DMAP1: variants seen among roughly 807,000 people sequenced by gnomAD.
DMAP1 encodes the protein DNA methyltransferase 1 associated protein 1.
In DMAP1, 26 loss-of-function variants were observed where a neutral mutation model predicts 52.7. The ratio of observed to expected loss-of-function variants is 0.49; its 90% CI spans 0.36 to 0.68. The LOEUF is 0.68. DMAP1 is among the 30% of genes least tolerant of loss of function. The pLI, the probability that DMAP1 is intolerant of heterozygous loss-of-function variation, is 0.00. For missense variants in DMAP1, 439 were observed against 625.2 expected (o/e 0.70, Z 3.18); for synonymous variants, 231 against 246.0 (o/e 0.94, Z 0.57).
chr1:44,219,947 A>G, intron 8 of DMAP1, 69 bp downstream of exon 8: 9 of 1,609,264 alleles, frequency 5.6e-6, no homozygotes, highest in Non-Finnish European at 7.6e-6. Flanking sequence ...GGGCAGGGGG[A>G]GGGGAGTTCA....
intron 8 of DMAP1, 26 bp from the exon 9 acceptor site, chr1:44,219,991 C>T (rs368180564): frequency 2.5e-6 from 4 of 1,598,876 alleles, no homozygotes; most frequent in African/African-American, 2.7e-5. Flanking sequence ...TGGGCTCTGC[C>T]CGTGCTGCCT....
In DMAP1 at chr1:44,213,725, T is replaced by C. The variant is rs770538505; in HGVS notation, c.-29T>C. The C allele has an allele frequency of 6.4e-7, 1 of 1,555,476 alleles. No homozygotes were observed. Among genetic ancestry groups the C allele is most frequent in the Non-Finnish European group, 8.7e-7 (1 of 1,148,946 alleles). ...CTTCTTCAGGCACTGACCCTTGACC[T>C]CCGGTGGCTCCCCCATCTCTCAGGC... On this transcript the variant is annotated 5_prime_UTR_variant, in exon 1 of 10. Transcript: ENST00000372289. This position sits in a 1 kb window ranked among gnomAD's most constrained non-coding sequence, Gnocchi z 4.5.
At position 44,213,905 on chromosome 1, in the gene DMAP1, G is replaced by A. The variant is rs1362995823; in HGVS notation, c.105+47G>A. On this transcript the variant is annotated intron_variant, in intron 1 of 9. Coordinates refer to ENST00000372289, the MANE Select transcript of DMAP1 (RefSeq NM_019100.5). The surrounding 1 kb of genome is among the most constrained non-coding windows in gnomAD (Gnocchi z 4.5). ...GTTGACTAGGGGAGGGTAGGGGAGT[G>A]AAGATGGGGAGGAGTGACAACGGGC... 17 of 1,529,914 alleles carry A rather than the reference G, an allele frequency of 1.1e-5. No individual in the cohort carries two copies. The highest frequency in any genetic ancestry group is 1.4e-5 in the Non-Finnish European group (16 of 1,127,208). 94.8% of individuals were successfully genotyped at this position (1,529,914 alleles called of 1,614,324 possible).
Position 44,213,501 on chromosome 1 carries a change from A to C in DMAP1, c.-253A>C. 1 of 453,144 alleles carries C rather than the reference A, an allele frequency of 2.2e-6. No homozygotes were observed. The allele number at this position is 453,144 out of a possible 1,614,324, so 28.1% of individuals were successfully genotyped here. On this transcript the variant is annotated 5_prime_UTR_variant, in exon 1 of 10. Coordinates refer to ENST00000372289, the MANE Select transcript of DMAP1 (RefSeq NM_019100.5). The surrounding 1 kb of genome is among the most constrained non-coding windows in gnomAD (Gnocchi z 4.5). ...GGCTTTGCGGGGACGGGGGAGTGGT[A>C]GTGGGGGCTGCAGCTGCCGGACCCA...
Position 44,214,830 on chromosome 1 carries a change from G to A in DMAP1, c.325G>A (p.Ala109Thr). The change falls in exon 3 of 10, where the codon GCA (alanine) becomes ACA (threonine). Residue 109 changes from alanine (A) to threonine (T), a missense_variant. Physicochemically the swap from Ala to Thr is moderately conservative, Grantham distance 58 (BLOSUM62 0). Coordinates refer to ENST00000372289, the MANE Select transcript of DMAP1 (RefSeq NM_019100.5). ...PFTNPARKDG[A>T]MFFHWRRAAE... The stretch of plus-strand genomic sequence containing the variant: ...CACCAACCCGGCCCGCAAGGACGGA[G>A]CAATGTTCTTCCACTGGCGACGTGC... The A allele has an allele frequency of 2.5e-6, 4 of 1,614,206 alleles. No individual in the cohort carries two copies. Among genetic ancestry groups the A allele is most frequent in the Non-Finnish European group, 3.4e-6 (4 of 1,180,038 alleles).
In DMAP1 at chr1:44,213,635, C is replaced by A; in HGVS notation, c.-119C>A. The A allele has an allele frequency of 1.2e-6, 1 of 861,152 alleles. No homozygotes were observed. Among genetic ancestry groups the A allele is most frequent in the Non-Finnish European group, 1.8e-6 (1 of 544,982 alleles). The allele number at this position is 861,152 out of a possible 1,614,324, so 53.3% of individuals were successfully genotyped here. ...ACCTGGACCACCCTTCTCCTCTTGGCCCGCCCCTTCAACTCGCCTCCGCTT... is the reference window on the plus strand; with the variant it reads ...ACCTGGACCACCCTTCTCCTCTTGGACCGCCCCTTCAACTCGCCTCCGCTT... On this transcript the variant is annotated 5_prime_UTR_variant, in exon 1 of 10. Transcript: ENST00000372289. The surrounding 1 kb of genome is among the most constrained non-coding windows in gnomAD (Gnocchi z 4.5).
At chr1:44,217,569 AG>A (rs1643819917) in intron 3 of DMAP1, 1 of 152,844 alleles carries the variant, frequency 6.5e-6, no homozygotes. Context: ...ATAATGTTTG[AG>A]AGAGGGCCAT....
chr1:44,213,675 C>T lies in DMAP1; in HGVS notation c.-79C>T, dbSNP rs1643727978. 1 of 1,384,154 alleles carries T rather than the reference C, an allele frequency of 7.2e-7. No homozygotes were observed. The highest frequency in any genetic ancestry group is 1.0e-6 in the Non-Finnish European group (1 of 1,001,078). The allele number at this position is 1,384,154 out of a possible 1,614,324, so 85.7% of individuals were successfully genotyped here. On this transcript the variant is annotated 5_prime_UTR_variant, in exon 1 of 10. Coordinates refer to ENST00000372289, the MANE Select transcript of DMAP1 (RefSeq NM_019100.5). The surrounding 1 kb of genome is among the most constrained non-coding windows in gnomAD (Gnocchi z 4.5). ...CGCCTCCGCTTAGGTCTGGATTGGC[C>T]CCGCCCCCTGACCTGAGCCTGGTCC...
chr1:44,215,000 A>T (rs1167608304), intron 3 of DMAP1, 102 bp downstream of exon 3: 1 of 1,343,948 alleles, frequency 7.4e-7, no homozygotes, highest in Admixed American at 1.9e-5. Context: ...GGGCACGCTT[A>T]TGCCCAACTG....
chr1:44,218,493 G>T lies in DMAP1; in HGVS notation c.552+24G>T, dbSNP rs375398371. ...AGGTGAGCCATTGTGTATTTGCATG[G>T]GTGCCCAGCTTCTGGGTCTAGCAGG... On this transcript the variant is annotated intron_variant, in intron 4 of 9. Transcript: ENST00000372289. The surrounding 1 kb of genome is among the most constrained non-coding windows in gnomAD (Gnocchi z 5.6). 4 of 1,611,954 alleles carry T rather than the reference G, an allele frequency of 2.5e-6. No individual in the cohort carries two copies. Among genetic ancestry groups the T allele is most frequent in the Non-Finnish European group, 3.4e-6 (4 of 1,178,322 alleles).
rs777534450 is a variant in DMAP1 at position 44,213,722 on chromosome 1, A to T, written c.-32A>T. On this transcript the variant is annotated 5_prime_UTR_variant, in exon 1 of 10. Coordinates refer to ENST00000372289, the MANE Select transcript of DMAP1 (RefSeq NM_019100.5). This position sits in a 1 kb window ranked among gnomAD's most constrained non-coding sequence, Gnocchi z 4.5. Reference sequence around the variant, plus strand: ...GTCCTTCTTCAGGCACTGACCCTTGACCTCCGGTGGCTCCCCCATCTCTCA... The same window carrying T: ...GTCCTTCTTCAGGCACTGACCCTTGTCCTCCGGTGGCTCCCCCATCTCTCA... 8.4e-6 allele frequency: 13 copies of T among 1,552,462 alleles called. No homozygotes were observed. In the South Asian group the frequency reaches 1.4e-4, roughly 17 times the overall value.
At chr1:44,215,158 G>GA in intron 3 of DMAP1, 1 of 612,860 alleles carries the variant, frequency 1.6e-6, no homozygotes, top group South Asian at 1.5e-5. Flanking sequence ...CCTCAGAGCT[G>GA]TATCCTAGGT....
chr1:44,215,057 C>T (rs1046175401), intron 3 of DMAP1, 159 bp downstream of exon 3: 13 of 823,490 alleles, frequency 1.6e-5, no homozygotes, highest in Non-Finnish European at 2.4e-5. Context: ...GAGTAGGACT[C>T]TGTGGGTCTT....
intron 3 of DMAP1, chr1:44,216,861 G>C (rs1432100463): frequency 6.6e-6 from 1 of 152,272 alleles, no homozygotes; most frequent in Admixed American, 6.5e-5. Context: ...TACATACAGT[G>C]TGCTGAGTCC....
chr1:44,220,594 C>T lies in DMAP1; in HGVS notation c.1380C>T (p.Ser460=), dbSNP rs762525125. The part of the protein sequence containing the change: ...KRRESASSSS[S]VKKAKKP ...GGGAGTCGGCCTCCAGCTCATCTTC[C>T]GTGAAGAAAGCCAAGAAGCCGTGAG... Residue 460 remains serine, a synonymous_variant, in exon 10 of 10, where the codon TCC becomes TCT. Transcript: ENST00000372289. The T allele has an allele frequency of 2.2e-5, 36 of 1,614,106 alleles. No homozygotes were observed. The highest frequency in any genetic ancestry group is 6.7e-5 in the East Asian group (3 of 44,890).
At chr1:44,217,851 G>A (rs141461754) in intron 3 of DMAP1, 94 of 249,804 alleles carry the variant, frequency 3.8e-4, no homozygotes, top group Non-Finnish European at 6.7e-4. Flanking sequence ...CTTCTGTAGA[G>A]ATGCCTGACC....
At position 44,219,079 on chromosome 1, in the gene DMAP1, A is replaced by G. The variant is rs765633358; in HGVS notation, c.744A>G (p.Leu248=). Residue 248 remains leucine (L), a synonymous_variant, in exon 6 of 10, where the codon CTA becomes CTG. Transcript: ENST00000372289. Reference sequence around the variant, plus strand: ...AGGTGGCAGAGGAGGAGTACCTGCTACAGGAGCTGCGCAAGATTGAGGCCC... The same window carrying G: ...AGGTGGCAGAGGAGGAGTACCTGCTGCAGGAGCTGCGCAAGATTGAGGCCC... ...PEQVAEEEYL[L]QELRKIEARK... is the part of the protein sequence containing the mutation. 9 of 1,614,000 alleles carry G rather than the reference A, an allele frequency of 5.6e-6. No homozygotes were observed. In the South Asian group the frequency reaches 9.9e-5, roughly 18 times the overall value.
chr1:44,218,604 A>G lies in DMAP1; in HGVS notation c.569A>G (p.Asp190Gly). Residue 190 changes from aspartate to glycine, a missense_variant, in exon 5 of 10, where the codon GAC becomes GGC. Asp to Gly is a moderately conservative substitution (Grantham distance 94). Around this residue, in one of 3 missense-constraint regions of DMAP1, gnomAD observed 142 missense variants for 149.5 expected, o/e 0.95. Transcript: ENST00000372289. This position sits in a 1 kb window ranked among gnomAD's most constrained non-coding sequence, Gnocchi z 5.6. Reference sequence around the variant, plus strand: ...GCTCCTCAGAAGCGTTCTGTGGAAGACCTGAAGGAGCGGTACTACCACATC... The same window carrying G: ...GCTCCTCAGAAGCGTTCTGTGGAAGGCCTGAAGGAGCGGTACTACCACATC... The part of the protein sequence containing the change: ...HQQFKKRSVE[D>G]LKERYYHICA... 1 of 1,611,444 alleles carries G rather than the reference A, an allele frequency of 6.2e-7. No individual in the cohort carries two copies. The highest frequency in any genetic ancestry group is 8.5e-7 in the Non-Finnish European group (1 of 1,177,910).
In DMAP1 at chr1:44,218,376, T is replaced by C; in HGVS notation, c.459T>C (p.Thr153=). 1 of 1,614,240 alleles carries C rather than the reference T, an allele frequency of 6.2e-7. No individual in the cohort carries two copies. The highest frequency in any genetic ancestry group is 2.2e-5 in the East Asian group (1 of 44,884). The change falls in exon 4 of 10, where the codon ACT becomes ACC. Residue 153 remains threonine (T), a synonymous_variant. Transcript: ENST00000372289. This position sits in a 1 kb window ranked among gnomAD's most constrained non-coding sequence, Gnocchi z 5.6. ...YQLYLHDDAW[T]KAETDHLFDL... ...TTTATCTCCACGATGATGCTTGGACTAAGGCAGAAACTGACCACCTCTTTG... is the reference window on the plus strand; with the variant it reads ...TTTATCTCCACGATGATGCTTGGACCAAGGCAGAAACTGACCACCTCTTTG...
Sources: allele counts gnomAD v4.1 joint callset, GRCh38; gene constraint gnomAD v4.1.1; regional missense constraint gnomAD v4.1.1; non-coding constraint Gnocchi (gnomAD v3.1); transcripts MANE v1.5; gene names NCBI Gene and HGNC (gene_info 2026-07-23, HGNC 2026-07-21).